NKAIN3: variants seen among roughly 807,000 people sequenced by gnomAD.
The protein encoded by NKAIN3 is sodium/potassium-transporting ATPase subunit beta-1-interacting protein 3.
Under a neutral mutation model 30.2 loss-of-function variants are expected in NKAIN3, and 25 were observed. That is an observed-to-expected ratio of 0.83 (90% confidence interval 0.60 to 1.16). The LOEUF is 1.16. Ranked by LOEUF, NKAIN3 falls within the 50% of genes most tolerant of loss-of-function variation. The probability of loss-of-function intolerance (pLI) is 0.00; values close to 1 mark genes in which losing one functional copy is unlikely to be tolerated. For synonymous variants in NKAIN3, 91 were observed against 89.6 expected, an observed-to-expected ratio of 1.02 and a Z score of -0.09; for missense variants, 225 against 254.1, an observed-to-expected ratio of 0.89 and a Z score of 0.78.
At chr8:62,360,561 A>G (rs1816525246) in intron 1 of NKAIN3, among the ~76,000 whole-genome samples, 2 of 152,198 alleles carry the variant, frequency 1.3e-5, no homozygotes, top group South Asian at 4.1e-4. Flanking sequence ...TAAGTCTCAG[A>G]AAAGCCCATT....
At chr8:62,303,493 G>GATTGTCT (rs1554665252) in intron 1 of NKAIN3, among the ~76,000 whole-genome samples, 1 of 150,596 alleles carries the variant, frequency 6.6e-6, no homozygotes, top group Non-Finnish European at 1.5e-5. Flanking sequence ...GTCTTAAAAT[G>GATTGTCT]AAGACTCCTT....
chr8:62,888,751 A>C (rs1467066591), intron 4 of NKAIN3, among the ~76,000 whole-genome samples: 1 of 152,198 alleles, frequency 6.6e-6, no homozygotes, highest in Non-Finnish European at 1.5e-5. Context: ...GCTTTTTGCC[A>C]TCTATTTCAA....
intron 5 of NKAIN3, among the ~76,000 whole-genome samples, chr8:62,937,619 G>A (rs1276841819): frequency 2.0e-5 from 3 of 152,030 alleles, no homozygotes; most frequent in Non-Finnish European, 4.4e-5. Flanking sequence ...GAAAAACTAC[G>A]AGGAGAAAGA....
rs564582311 is a variant in NKAIN3, at chr8:62,484,450, G to A, written c.55-95089G>A. 7.2e-5 allele frequency among the ~76,000 whole-genome samples: 11 copies of A among 152,302 alleles called. No individual in the cohort carries two copies. In the South Asian group the frequency reaches 1.9e-3, roughly 26 times the overall value. On this transcript the variant is annotated intron_variant, in intron 1 of 6. Coordinates refer to ENST00000623646, the MANE Select transcript of NKAIN3 (RefSeq NM_001304533.3). ...CTACTTCTGCTTTCTGCTCCGTGGG[G>A]TTTGGGGCCTGTGCAGATCTTGGTT...
intron 4 of NKAIN3, among the ~76,000 whole-genome samples, chr8:62,787,884 A>G (rs1287919861): frequency 6.6e-6 from 1 of 152,114 alleles, no homozygotes. Context: ...GCTGCCTAGT[A>G]TTCCATGGTG....
intron 1 of NKAIN3, among the ~76,000 whole-genome samples, chr8:62,504,318 A>G (rs539509805): frequency 1.4e-4 from 22 of 152,362 alleles, no homozygotes; most frequent in African/African-American, 5.3e-4. Context: ...CAGAATAACT[A>G]TGAATATAAA....
At chr8:62,986,253 G>C (rs1824195977), downstream of NKAIN3, among the ~76,000 whole-genome samples, 1 of 152,194 alleles carries the variant, frequency 6.6e-6, no homozygotes, top group South Asian at 2.1e-4. Context: ...TGAGCCCCTA[G>C]TCCATCCTGT....
chr8:62,468,498 C>T (rs1343557809), intron 1 of NKAIN3, among the ~76,000 whole-genome samples: 1 of 152,156 alleles, frequency 6.6e-6, no homozygotes, highest in Non-Finnish European at 1.5e-5. Flanking sequence ...TGAGGTCCAC[C>T]AAGCCCACAG....
At chr8:62,494,418 TC>T (rs1807169910) in intron 1 of NKAIN3, among the ~76,000 whole-genome samples, 1 of 152,154 alleles carries the variant, frequency 6.6e-6, no homozygotes, top group Non-Finnish European at 1.5e-5. Context: ...CTGGATTTGG[TC>T]TGCAAATATT....
chr8:62,796,812 A>ACACACACG (rs2130684148), intron 4 of NKAIN3, among the ~76,000 whole-genome samples: 1 of 152,124 alleles, frequency 6.6e-6, no homozygotes, highest in African/African-American at 2.4e-5. Flanking sequence ...ACACACACAC[A>ACACACACG]CACAAATACT....
chr8:62,472,431 A>G (rs370217164), intron 1 of NKAIN3, among the ~76,000 whole-genome samples: 4 of 152,194 alleles, frequency 2.6e-5, no homozygotes, highest in East Asian at 1.9e-4. Flanking sequence ...AAACAAGGGT[A>G]ACACTATCTG....
chr8:62,862,731 C>T (rs896689611), intron 4 of NKAIN3, among the ~76,000 whole-genome samples: 2 of 151,444 alleles, frequency 1.3e-5, no homozygotes, highest in Admixed American at 1.3e-4. Context: ...AAGTCAATGA[C>T]CTGAAGAAAT....
At chr8:62,814,015 A>T (rs6472051) in intron 4 of NKAIN3, among the ~76,000 whole-genome samples, 10 of 151,804 alleles carry the variant, frequency 6.6e-5, no homozygotes, top group Non-Finnish European at 1.3e-4. Context: ...TTGTTAGTCT[A>T]ATAAGGATTC....
intron 1 of NKAIN3, among the ~76,000 whole-genome samples, chr8:62,442,505 A>C (rs1056204762): frequency 6.6e-6 from 1 of 151,900 alleles, no homozygotes; most frequent in African/African-American, 2.4e-5. Context: ...GTATTAACAG[A>C]GGTTATCTAA....
In NKAIN3 at chr8:62,368,590, C is replaced by T. The variant is rs544728650; in HGVS notation, c.54+119463C>T. Among the ~76,000 whole-genome samples, 386 of 152,030 alleles carry T rather than the reference C, an allele frequency of 2.5e-3. 2 individuals carry two copies. The highest frequency in any genetic ancestry group is 4.6e-3 in the Non-Finnish European group (315 of 67,960). On this transcript the variant is annotated intron_variant, in intron 1 of 6. Transcript: ENST00000623646. ...GGAAGGGCATGAAGGGGGGCTTCTC[C>T]GGAACAAATGCCTGATAACAAGAAC...
chr8:62,840,973 C>A (rs1391451559), intron 4 of NKAIN3, among the ~76,000 whole-genome samples: 1 of 152,066 alleles, frequency 6.6e-6, no homozygotes, highest in Non-Finnish European at 1.5e-5. Flanking sequence ...TTGAAGAACT[C>A]AGCTAGAGGG....
intron 1 of NKAIN3, among the ~76,000 whole-genome samples, chr8:62,517,199 A>G (rs948665389): frequency 1.3e-5 from 2 of 152,154 alleles, no homozygotes; most frequent in Admixed American, 1.3e-4. Context: ...TTCTTGCATA[A>G]TCATAAAATA....
At chr8:62,278,156 A>G (rs1813028141) in intron 1 of NKAIN3, among the ~76,000 whole-genome samples, 1 of 152,134 alleles carries the variant, frequency 6.6e-6, no homozygotes, top group Non-Finnish European at 1.5e-5. Flanking sequence ...AGCCTCTCCT[A>G]GAAAAGCTGC....
intron 1 of NKAIN3, among the ~76,000 whole-genome samples, chr8:62,542,874 A>T (rs1180135067): frequency 1.1e-4 from 16 of 152,148 alleles, no homozygotes; most frequent in Non-Finnish European, 2.4e-4. Flanking sequence ...AGCAATGTGT[A>T]GTAATTTCCA....
Sources: gnomAD v4.1 joint callset for allele counts (sites outside exome capture counted in the v4.1 genomes callset) on GRCh38, gnomAD v4.1.1 for gene constraint, MANE v1.5 for transcripts, NCBI Gene and HGNC (gene_info 2026-07-23, HGNC 2026-07-21) for gene names.